The following ATPSCKMT variants were observed in gnomAD, a reference collection of about 807,000 sequenced individuals.
The protein encoded by ATPSCKMT is ATP synthase c subunit lysine N-methyltransferase.
In ATPSCKMT, 24 loss-of-function variants were observed where a neutral mutation model predicts 24.3. That is an observed-to-expected ratio of 0.99 (90% CI 0.71 to 1.39). ATPSCKMT has a LOEUF of 1.39. ATPSCKMT is among the 40% of genes most tolerant of loss of function. The pLI, the probability that ATPSCKMT is intolerant of heterozygous loss-of-function variation, is 0.00. For missense variants in ATPSCKMT, 311 were observed against 298.4 expected (o/e 1.04, Z -0.31); for synonymous variants, 95 against 110.5 (o/e 0.86, Z 0.88).
Position 10,227,570 on chromosome 5 carries a change from T to A in ATPSCKMT, c.573A>T (p.Pro191=), listed in dbSNP as rs767451654. Residue 191 remains proline, a synonymous_variant, in exon 5 of 5, where the codon CCA becomes CCT. Coordinates refer to ENST00000511437, the MANE Select transcript of ATPSCKMT (RefSeq NM_199133.4). ...ARVIACRFPF[P]HWTPDHVTGE... is the part of the protein sequence containing the mutation. ...CCGTGACGTGGTCTGGAGTCCAATGTGGGAAAGGGAACCGGCAAGCAATAA... is the reference window on the plus strand; with the variant it reads ...CCGTGACGTGGTCTGGAGTCCAATGAGGGAAAGGGAACCGGCAAGCAATAA... The A allele has an allele frequency of 4.3e-6, 7 of 1,614,054 alleles. No homozygotes were observed. The Admixed American group carries it at 8.3e-5, about 19-fold the overall frequency.
Position 10,227,519 on chromosome 5 carries a change from T to G in ATPSCKMT, c.624A>C (p.Ala208=). The G allele has an allele frequency of 1.9e-6, 3 of 1,614,190 alleles. No individual in the cohort carries two copies. Among genetic ancestry groups the G allele is most frequent in the Non-Finnish European group, 2.5e-6 (3 of 1,180,036 alleles). ...VTGEGIDTVW[A]YDASTFRGRE... ...GGCCTCTAAAAGTGCTTGCATCATA[T>G]GCCCACACTGTGTCTATCCCCTCCC... The change falls in exon 5 of 5, where the codon GCA becomes GCC. Residue 208 remains alanine, a synonymous_variant. Transcript: ENST00000511437.
At chr5:10,228,253 T>C (rs779620362) in intron 4 of ATPSCKMT, among the ~76,000 whole-genome samples, 1 of 152,146 alleles carries the variant, frequency 6.6e-6, no homozygotes, top group Non-Finnish European at 1.5e-5. Context: ...CAATGGTGCA[T>C]CCTAAAATCA....
At chr5:10,239,499 T>C in intron 1 of ATPSCKMT, 143 bp from the exon 2 acceptor site, 1 of 694,772 alleles carries the variant, frequency 1.4e-6, no homozygotes, top group South Asian at 1.9e-5. Context: ...ATGTCAACTG[T>C]AGGATCCCAC....
rs1205497094 is a variant in ATPSCKMT, at chr5:10,249,685, G to A, written c.16+173C>T. ...ACAAGGATCGCCAGAACCGGCGCGG[G>A]CACCGCGCGGCGACCAGGAGCTCTG... On this transcript the variant is annotated intron_variant, in intron 1 of 4. Coordinates refer to ENST00000511437, the MANE Select transcript of ATPSCKMT (RefSeq NM_199133.4). The A allele has an allele frequency of 1.1e-5, 12 of 1,059,082 alleles. No homozygotes were observed. The African/African-American group carries it at 1.5e-4, about 13-fold the overall frequency. The allele number at this position is 1,059,082 out of a possible 1,614,324, so 65.6% of individuals were successfully genotyped here. A position where few individuals can be genotyped will look rare whatever the true frequency, so the allele number is the denominator to read the frequency against.
chr5:10,235,530 C>T (rs918532546), intron 3 of ATPSCKMT, among the ~76,000 whole-genome samples: 1 of 152,214 alleles, frequency 6.6e-6, no homozygotes, highest in Non-Finnish European at 1.5e-5. Context: ...CCATCCAGGG[C>T]ACGCCCCAGT....
chr5:10,230,308 T>TA (rs1490678794), intron 4 of ATPSCKMT, among the ~76,000 whole-genome samples: 1 of 152,126 alleles, frequency 6.6e-6, no homozygotes, highest in African/African-American at 2.4e-5. Context: ...AAAAATTAAA[T>TA]AAGCAAAGAA....
chr5:10,233,238 C>T (rs73741338), intron 4 of ATPSCKMT, among the ~76,000 whole-genome samples: 2,237 of 152,254 alleles, frequency 0.015, 65 homozygotes, highest in African/African-American at 0.051. Flanking sequence ...GGATGGTCGA[C>T]TGGCACAGCA....
At chr5:10,244,400 A>C (rs568271916) in intron 1 of ATPSCKMT, 1 of 152,214 alleles carries the variant, frequency 6.6e-6, no homozygotes, top group Non-Finnish European at 1.5e-5. Flanking sequence ...GTTTGTAAGA[A>C]GCACACTACT....
chr5:10,231,625 G>GC (rs1365846950), intron 4 of ATPSCKMT, among the ~76,000 whole-genome samples: 1 of 151,178 alleles, frequency 6.6e-6, no homozygotes, highest in Non-Finnish European at 1.5e-5. Context: ...TCCTGTCCCT[G>GC]CCCCACCCCG....
At chr5:10,237,165 C>T in intron 2 of ATPSCKMT, 1 of 585,602 alleles carries the variant, frequency 1.7e-6, no homozygotes, top group South Asian at 1.7e-5. Context: ...TGGAATCCCA[C>T]TGGCCTCCGG....
Position 10,226,013 on chromosome 5 carries a change from A to G in ATPSCKMT, c.*1428T>C, listed in dbSNP as rs1026921268. 1.3e-5 allele frequency among the ~76,000 whole-genome samples: 2 copies of G among 152,222 alleles called. No individual in the cohort carries two copies. The highest frequency in any genetic ancestry group is 4.8e-5 in the African/African-American group (2 of 41,452). ...CATTCTTCATAAGAAGACTGGAGCT[A>G]CTGAAAAAGGGACAGACACTAGCTG... On this transcript the variant is annotated 3_prime_UTR_variant, in exon 5 of 5. Transcript: ENST00000511437.
chr5:10,237,750 A>G (rs1220110395), intron 2 of ATPSCKMT, among the ~76,000 whole-genome samples: 4 of 125,288 alleles, frequency 3.2e-5, no homozygotes, highest in African/African-American at 1.0e-4. Flanking sequence ...AGACTAATAT[A>G]TTTCTTTTTT....
intron 4 of ATPSCKMT, among the ~76,000 whole-genome samples, chr5:10,231,149 C>CTA (rs1744114785): frequency 6.6e-6 from 1 of 152,062 alleles, no homozygotes; most frequent in African/African-American, 2.4e-5. Flanking sequence ...AGGTGCTAGA[C>CTA]ACAAGCTTCC....
intron 1 of ATPSCKMT, among the ~76,000 whole-genome samples, chr5:10,242,424 A>G (rs149355573): frequency 2.3e-4 from 35 of 152,296 alleles, no homozygotes; most frequent in South Asian, 4.2e-4. Context: ...TCATCCACTG[A>G]TATTTTATCA....
At chr5:10,242,388 C>T (rs1214395710) in intron 1 of ATPSCKMT, among the ~76,000 whole-genome samples, 4 of 152,192 alleles carry the variant, frequency 2.6e-5, no homozygotes, top group African/African-American at 9.7e-5. Context: ...AACAACCTCC[C>T]TTGCTCATCC....
rs974904406 is a variant in ATPSCKMT at position 10,227,292 on chromosome 5, C to T, written c.*149G>A. The stretch of plus-strand genomic sequence containing the variant: ...GATTTTAAATCTACCTGTTTTTCTT[C>T]GTTTGTTTTCTCCAACAGTTAAGGA... On this transcript the variant is annotated 3_prime_UTR_variant, in exon 5 of 5. Coordinates refer to ENST00000511437, the MANE Select transcript of ATPSCKMT (RefSeq NM_199133.4). The T allele has an allele frequency of 1.0e-5, 8 of 802,728 alleles. No individual in the cohort carries two copies. Among genetic ancestry groups the T allele is most frequent in the Admixed American group, 3.0e-5 (1 of 33,350 alleles). The allele number at this position is 802,728 out of a possible 1,614,324, so 49.7% of individuals were successfully genotyped here.
intron 2 of ATPSCKMT, 96 bp from the exon 3 acceptor site, chr5:10,236,711 C>A: frequency 2.0e-6 from 3 of 1,527,246 alleles, no homozygotes; most frequent in African/African-American, 1.4e-5. Flanking sequence ...TTTAAACATC[C>A]AATCAAAAAG....
In ATPSCKMT at chr5:10,226,243, T is replaced by G. The variant is rs1743871810; in HGVS notation, c.*1198A>C. On this transcript the variant is annotated 3_prime_UTR_variant, in exon 5 of 5. Coordinates refer to ENST00000511437, the MANE Select transcript of ATPSCKMT (RefSeq NM_199133.4). Reference sequence around the variant, plus strand: ...CTATTTACCGCAGAATCTCAGAGCTTCTTCTACAGTAGATACTGAATACAT... The same window carrying G: ...CTATTTACCGCAGAATCTCAGAGCTGCTTCTACAGTAGATACTGAATACAT... The G allele has an allele frequency of 1.3e-5, 2 of 152,220 alleles. No homozygotes were observed. The highest frequency in any genetic ancestry group is 2.9e-5 in the Non-Finnish European group (2 of 68,038). The allele number at this position is 152,220 out of a possible 1,614,324, so 9.4% of individuals were successfully genotyped here.
intron 1 of ATPSCKMT, among the ~76,000 whole-genome samples, chr5:10,240,707 C>T (rs1744597144): frequency 6.6e-6 from 1 of 151,914 alleles, no homozygotes; most frequent in Admixed American, 6.6e-5. Context: ...AAAATAACAC[C>T]ATTTATGGCC....
Sources: allele counts gnomAD v4.1 joint callset (sites outside exome capture counted in the v4.1 genomes callset), GRCh38; gene constraint gnomAD v4.1.1; transcripts MANE v1.5; gene names NCBI Gene and HGNC (gene_info 2026-07-23, HGNC 2026-07-21).